HTATIP2: variants seen among roughly 807,000 people sequenced by gnomAD.
HTATIP2 encodes protein HTATIP2.
Under a neutral mutation model 24.7 loss-of-function variants are expected in HTATIP2, and 26 were observed. The observed-to-expected ratio is 1.05, with a 90% CI of 0.77 to 1.46. The LOEUF is 1.46. HTATIP2 is among the 40% of genes most tolerant of loss of function. HTATIP2 has a pLI of 0.00. For synonymous variants in HTATIP2, 99 were observed against 113.2 expected, an observed-to-expected ratio of 0.87 and a Z score of 0.79; for missense variants, 284 against 289.6, an observed-to-expected ratio of 0.98 and a Z score of 0.14.
chr11:20,367,313 G>T, intron 2 of HTATIP2, 32 bp downstream of exon 2: 3 of 1,613,414 alleles, frequency 1.9e-6, no homozygotes, highest in Non-Finnish European at 2.5e-6. Context: ...TTCCCTTTTT[G>T]CTGGCCAGTA....
intron 2 of HTATIP2, among the ~76,000 whole-genome samples, chr11:20,370,605 C>G (rs1476250484): frequency 6.6e-6 from 1 of 152,294 alleles, no homozygotes; most frequent in Non-Finnish European, 1.5e-5. Flanking sequence ...TGCAATACAG[C>G]CTGCCACCTG....
At chr11:20,373,136 A>G (rs1288115905) in intron 2 of HTATIP2, among the ~76,000 whole-genome samples, 3 of 152,184 alleles carry the variant, frequency 2.0e-5, no homozygotes, top group African/African-American at 7.2e-5. Flanking sequence ...CAATGGAGAA[A>G]GGTATGGGCA....
intron 1 of HTATIP2, among the ~76,000 whole-genome samples, chr11:20,364,984 T>G (rs1161867557): frequency 2.6e-5 from 1 of 38,032 alleles, no homozygotes; most frequent in Non-Finnish European, 7.2e-5. Context: ...AGTTAAAGGT[T>G]TTTTTTTTTT....
intron 2 of HTATIP2, among the ~76,000 whole-genome samples, chr11:20,374,872 T>C (rs1848419586): frequency 6.6e-6 from 1 of 152,226 alleles, no homozygotes; most frequent in Admixed American, 6.5e-5. Context: ...ATGATTCATC[T>C]TGCTTCTGCC....
In HTATIP2 at chr11:20,364,328, G is replaced by A. The variant is rs527767104; in HGVS notation, c.91G>A (p.Gly31Ser). 17 of 1,613,630 alleles carry A rather than the reference G, an allele frequency of 1.1e-5. No individual in the cohort carries two copies. The highest frequency in any genetic ancestry group is 8.9e-5 in the East Asian group (4 of 44,874). The change falls in exon 1 of 5, where the codon GGC becomes AGC. Residue 31 changes from glycine to serine, a missense_variant. Gly to Ser is a moderately conservative substitution (Grantham distance 56). Coordinates refer to ENST00000451739, the MANE Select transcript of HTATIP2 (RefSeq NM_001098522.2). ...TATTTTGGGCGCCAGCGGAGAAACC[G>A]GCAGAGTGCTCTTAAAGGAAATCCT... is the stretch of plus-strand genomic sequence containing the variant. ...VFILGASGET[G>S]RVLLKEILEQ...
At position 20,383,275 on chromosome 11, in the gene HTATIP2, A is replaced by C; in HGVS notation, c.*70A>C. 8.5e-7 allele frequency: 1 copy of C among 1,179,690 alleles called. No individual in the cohort carries two copies. Among genetic ancestry groups the C allele is most frequent in the Non-Finnish European group, 1.2e-6 (1 of 826,020 alleles). The allele number at this position is 1,179,690 out of a possible 1,614,324, so 73.1% of individuals were successfully genotyped here. A position where few individuals can be genotyped will look rare whatever the true frequency, so the allele number is the denominator to read the frequency against. The stretch of plus-strand genomic sequence containing the variant: ...ACCAAATCGGTAATTTCAGGGTCTA[A>C]AAAAAGTCAGCATGTTTTAACTTTG... On this transcript the variant is annotated 3_prime_UTR_variant, in exon 5 of 5. Coordinates refer to ENST00000451739, the MANE Select transcript of HTATIP2 (RefSeq NM_001098522.2).
Position 20,364,138 on chromosome 11 carries a change from T to C in HTATIP2, c.-100T>C. The C allele has an allele frequency of 1.4e-6, 2 of 1,475,818 alleles. No homozygotes were observed. Among genetic ancestry groups the C allele is most frequent in the South Asian group, 1.4e-5 (1 of 69,232 alleles). The allele number at this position is 1,475,818 out of a possible 1,614,324, so 91.4% of individuals were successfully genotyped here. A position where few individuals can be genotyped will look rare whatever the true frequency, so the allele number is the denominator to read the frequency against. On this transcript the variant is annotated 5_prime_UTR_variant, in exon 1 of 5. Transcript: ENST00000451739. The stretch of plus-strand genomic sequence containing the variant: ...AGAGCCCGGACTGCGGAGAACAATA[T>C]CCTCCTCCCTAACAGATAAACAGCC...
rs1316883597 is a variant in HTATIP2, at chr11:20,364,269, G to A, written c.32G>A (p.Arg11Gln). 1 of 1,609,522 alleles carries A rather than the reference G, an allele frequency of 6.2e-7. No homozygotes were observed. The part of the protein sequence containing the change: MAETEALSKL[R>Q]EDFRMQNKSV... ...GAAACAGAAGCCCTGTCGAAGCTTC[G>A]GGAAGACTTCAGGATGCAGAATAAA... Residue 11 changes from arginine (R) to glutamine (Q), a missense_variant, in exon 1 of 5, where the codon CGG becomes CAG. Coordinates refer to ENST00000451739, the MANE Select transcript of HTATIP2 (RefSeq NM_001098522.2).
At chr11:20,375,263 A>G (rs1280367336) in intron 2 of HTATIP2, among the ~76,000 whole-genome samples, 1 of 152,066 alleles carries the variant, frequency 6.6e-6, no homozygotes, top group Non-Finnish European at 1.5e-5. Context: ...ACTGAGGAGC[A>G]AATTTTTTAA....
At position 20,383,424 on chromosome 11, in the gene HTATIP2, C is replaced by G; in HGVS notation, c.*219C>G. 2.0e-6 allele frequency: 1 copy of G among 506,722 alleles called. No individual in the cohort carries two copies. Among genetic ancestry groups the G allele is most frequent in the Non-Finnish European group, 3.5e-6 (1 of 288,650 alleles). 31.4% of individuals were successfully genotyped at this position (506,722 alleles called of 1,614,324 possible). Reference sequence around the variant, plus strand: ...CTTTGGAAAAATAAAGATTTGTCAGCCCTATCTCAAACTTGAATCAAAATT... The same window carrying G: ...CTTTGGAAAAATAAAGATTTGTCAGGCCTATCTCAAACTTGAATCAAAATT... On this transcript the variant is annotated 3_prime_UTR_variant, in exon 5 of 5. Transcript: ENST00000451739.
At position 20,364,218 on chromosome 11, in the gene HTATIP2, G is replaced by C. The variant is rs750174056; in HGVS notation, c.-20G>C. On this transcript the variant is annotated 5_prime_UTR_variant, in exon 1 of 5. Transcript: ENST00000451739. ...CCCTGACACCCTAAGACCGGCATCT[G>C]TCGATGTTATTTCCCCAGCATGGCC... The C allele has an allele frequency of 3.2e-6, 5 of 1,582,958 alleles. No homozygotes were observed. In the South Asian group the frequency reaches 4.6e-5, roughly 14 times the overall value.
intron 2 of HTATIP2, among the ~76,000 whole-genome samples, chr11:20,368,195 A>AT (rs2064733529): frequency 6.6e-6 from 1 of 151,382 alleles, no homozygotes; most frequent in African/African-American, 2.4e-5. Flanking sequence ...AAAAAGAAAA[A>AT]ATATATATAT....
At chr11:20,365,725 G>T (rs1194549845) in intron 1 of HTATIP2, among the ~76,000 whole-genome samples, 1 of 151,768 alleles carries the variant, frequency 6.6e-6, no homozygotes, top group African/African-American at 2.4e-5. Context: ...TAATCCCAGA[G>T]CTTTGGGAGT....
At chr11:20,364,476 C>T (rs1386846526) in intron 1 of HTATIP2, 44 bp downstream of exon 1, 3 of 1,500,346 alleles carry the variant, frequency 2.0e-6, no homozygotes, top group South Asian at 2.4e-5. Context: ...CAGGATTCTG[C>T]GAGGTGAACA....
Position 20,383,030 on chromosome 11 carries a change from GA to G in HTATIP2, c.557del (p.Lys186SerfsTer19). 6.2e-7 allele frequency: 1 copy of G among 1,613,434 alleles called. No individual in the cohort carries two copies. The highest frequency in any genetic ancestry group is 1.1e-5 in the South Asian group (1 of 91,050). On this transcript the variant is annotated frameshift_variant, in exon 5 of 5. Transcript: ENST00000451739. LOFTEE classifies it high-confidence loss of function. ...QESRPGEWLV[R>X]KFFGSLPDSW... ...TCTCGCCCAGGTGAATGGCTGGTTA[GA>G]AAGTTCTTTGGCTCCTTACCAGACT...
At position 20,363,874 on chromosome 11, in the gene HTATIP2, G is replaced by C; in HGVS notation, c.-364G>C. 8.0e-7 allele frequency: 1 copy of C among 1,244,734 alleles called. No individual in the cohort carries two copies. The highest frequency in any genetic ancestry group is 1.0e-6 in the Non-Finnish European group (1 of 991,010). The allele number at this position is 1,244,734 out of a possible 1,614,324, so 77.1% of individuals were successfully genotyped here. The stretch of plus-strand genomic sequence containing the variant: ...CTGCTCTGGCGGCCGCCCTGCTCCT[G>C]CTGCGTCGTGAGGACCCGGGGCCGG... On this transcript the variant is annotated 5_prime_UTR_variant, in exon 1 of 5. Transcript: ENST00000451739.
At chr11:20,380,907 G>A (rs1848510487) in intron 3 of HTATIP2, among the ~76,000 whole-genome samples, 1 of 152,142 alleles carries the variant, frequency 6.6e-6, no homozygotes, top group Non-Finnish European at 1.5e-5. Flanking sequence ...TGCTAAGTGT[G>A]AGGAGACAGT....
chr11:20,374,089 T>C (rs539287724), intron 2 of HTATIP2, among the ~76,000 whole-genome samples: 4 of 152,168 alleles, frequency 2.6e-5, no homozygotes, highest in African/African-American at 7.2e-5. Context: ...CTCCAGGTGG[T>C]GGATATAGTT....
intron 3 of HTATIP2, among the ~76,000 whole-genome samples, chr11:20,380,461 A>G (rs1848501329): frequency 6.6e-6 from 1 of 152,110 alleles, no homozygotes; most frequent in Non-Finnish European, 1.5e-5. Context: ...TCACGAGGTC[A>G]GGAGATTGAG....
Sources: allele counts gnomAD v4.1 joint callset (sites outside exome capture counted in the v4.1 genomes callset), GRCh38; gene constraint gnomAD v4.1.1; transcripts MANE v1.5; gene names NCBI Gene and HGNC (gene_info 2026-07-23, HGNC 2026-07-21).